The following GPR158 variants were observed in gnomAD, a reference collection of about 807,000 sequenced individuals.
The protein encoded by GPR158 is G protein-coupled receptor 158.
In GPR158, 30 loss-of-function variants were observed where a neutral mutation model predicts 78.2. The observed-to-expected ratio is 0.38, with a 90% CI of 0.29 to 0.52. The LOEUF is 0.52. Ranked by LOEUF, GPR158 falls within the 20% of genes least tolerant of loss-of-function variation. The pLI is 0.83. For synonymous variants in GPR158, 581 were observed against 591.1 expected (o/e 0.98, Z 0.25); for missense variants, 1,463 against 1,523.5 (o/e 0.96, Z 0.66).
intron 5 of GPR158, among the ~76,000 whole-genome samples, chr10:25,534,124 C>T (rs182850957): frequency 1.0e-3 from 157 of 152,316 alleles, no homozygotes; most frequent in Middle Eastern, 3.4e-3. Flanking sequence ...TTGACATCTT[C>T]ATCTGGTTAT....
chr10:25,376,167 A>T (rs1834076414), intron 2 of GPR158, among the ~76,000 whole-genome samples: 2 of 151,416 alleles, frequency 1.3e-5, no homozygotes. Flanking sequence ...TTAATTTTGG[A>T]TGATTATAAA....
chr10:25,371,735 C>T (rs1833996376), intron 2 of GPR158, among the ~76,000 whole-genome samples: 1 of 135,304 alleles, frequency 7.4e-6, no homozygotes, highest in Non-Finnish European at 1.6e-5. Context: ...AAACGTTAGA[C>T]CTAAAACCAT....
intron 2 of GPR158, among the ~76,000 whole-genome samples, chr10:25,283,661 ATTTCTTCTT>A (rs1854307196): frequency 1.3e-5 from 2 of 151,664 alleles, no homozygotes; most frequent in African/African-American, 4.8e-5. Context: ...TTGGGACTTA[ATTTCTTCTT>A]TTTCTATTTT....
chr10:25,521,276 G>A (rs1051448126), intron 5 of GPR158, among the ~76,000 whole-genome samples: 1 of 152,188 alleles, frequency 6.6e-6, no homozygotes, highest in Non-Finnish European at 1.5e-5. Flanking sequence ...GCACTCCCTA[G>A]TGAGATGAAC....
intron 2 of GPR158, among the ~76,000 whole-genome samples, chr10:25,356,168 G>A (rs185192101): frequency 1.1e-4 from 17 of 152,158 alleles, no homozygotes; most frequent in African/African-American, 4.1e-4. Flanking sequence ...CAGGCAGAGT[G>A]GGGAGAGGGG....
At chr10:25,544,058 T>C (rs946946906) in intron 5 of GPR158, among the ~76,000 whole-genome samples, 5 of 152,234 alleles carry the variant, frequency 3.3e-5, no homozygotes, top group South Asian at 2.1e-4. Context: ...CTGCTGATCC[T>C]GGATGTCTTT....
chr10:25,581,705 C>T (rs1034768216), intron 7 of GPR158, among the ~76,000 whole-genome samples: 4 of 152,124 alleles, frequency 2.6e-5, no homozygotes, highest in South Asian at 2.1e-4. Flanking sequence ...TGATGCAGCC[C>T]GAGGGAAGGC....
chr10:25,548,684 T>C (rs1455148856), intron 5 of GPR158, among the ~76,000 whole-genome samples: 1 of 152,200 alleles, frequency 6.6e-6, no homozygotes, highest in Admixed American at 6.5e-5. Context: ...GCCTGTACTC[T>C]CTCCTACCAC....
intron 1 of GPR158, among the ~76,000 whole-genome samples, chr10:25,212,115 C>T (rs543135200): frequency 2.0e-5 from 3 of 152,216 alleles, no homozygotes; most frequent in Non-Finnish European, 4.4e-5. Flanking sequence ...GAATTATCCC[C>T]TTTCAGAGAA....
chr10:25,551,112 C>A, intron 6 of GPR158, 27 bp downstream of exon 6: 1 of 1,248,218 alleles, frequency 8.0e-7, no homozygotes, highest in Non-Finnish European at 1.2e-6. Context: ...CATCGTCATT[C>A]TCATGGAAAG....
At chr10:25,533,837 C>T (rs1296027688) in intron 5 of GPR158, among the ~76,000 whole-genome samples, 1 of 152,154 alleles carries the variant, frequency 6.6e-6, no homozygotes, top group Non-Finnish European at 1.5e-5. Context: ...CAGACCCCAG[C>T]TGAGTTTAAA....
intron 1 of GPR158, among the ~76,000 whole-genome samples, chr10:25,187,261 G>A (rs965781905): frequency 4.7e-5 from 7 of 148,798 alleles, no homozygotes; most frequent in Non-Finnish European, 7.5e-5. Context: ...CACCGCGTCC[G>A]GCCCTCCCTA....
chr10:25,181,260 A>G (rs1340083577), intron 1 of GPR158, among the ~76,000 whole-genome samples: 1 of 152,206 alleles, frequency 6.6e-6, no homozygotes, highest in Non-Finnish European at 1.5e-5. Flanking sequence ...TCTCAGTTAC[A>G]TCATCTTTAA....
intron 4 of GPR158, among the ~76,000 whole-genome samples, chr10:25,461,182 C>T (rs1835354858): frequency 6.6e-6 from 1 of 152,124 alleles, no homozygotes; most frequent in Non-Finnish European, 1.5e-5. Context: ...ACATATCACT[C>T]ACTTTAAATC....
chr10:25,446,208 G>A (rs776184897), intron 4 of GPR158, among the ~76,000 whole-genome samples: 1 of 152,178 alleles, frequency 6.6e-6, no homozygotes, highest in Non-Finnish European at 1.5e-5. Context: ...TTACTTTCAT[G>A]TCCACTTGCA....
At chr10:25,289,709 C>T (rs776971087) in intron 2 of GPR158, among the ~76,000 whole-genome samples, 5 of 152,086 alleles carry the variant, frequency 3.3e-5, no homozygotes, top group South Asian at 2.1e-4. Flanking sequence ...TGTGAGCCAC[C>T]GCGCCCAGCC....
At chr10:25,372,795 A>G (rs1834017734) in intron 2 of GPR158, among the ~76,000 whole-genome samples, 2 of 151,532 alleles carry the variant, frequency 1.3e-5, no homozygotes, top group Non-Finnish European at 2.9e-5. Context: ...CAAGCATGGA[A>G]CAGGTATACA....
intron 1 of GPR158, among the ~76,000 whole-genome samples, chr10:25,181,034 G>C (rs542318483): frequency 1.3e-5 from 2 of 152,272 alleles, no homozygotes; most frequent in East Asian, 3.9e-4. Flanking sequence ...ACCTCCTTCA[G>C]TGATTCTATT....
chr10:25,315,372 GT>G (rs1854832959), intron 2 of GPR158, among the ~76,000 whole-genome samples: 1 of 151,968 alleles, frequency 6.6e-6, no homozygotes, highest in South Asian at 2.1e-4. Flanking sequence ...TCTTTGCTAT[GT>G]TTAATGTCTT....
Sources: gnomAD v4.1 joint callset for allele counts (sites outside exome capture counted in the v4.1 genomes callset) on GRCh38, gnomAD v4.1.1 for gene constraint, MANE v1.5 for transcripts, NCBI Gene and HGNC (gene_info 2026-07-23, HGNC 2026-07-21) for gene names.